The following FAM199X variants were observed in gnomAD, a reference collection of about 807,000 sequenced individuals.
FAM199X encodes protein FAM199X.
FAM199X carries 4 observed loss-of-function variants against 22.9 expected under a neutral mutation model. That is an observed-to-expected ratio of 0.17 (90% CI 0.09 to 0.40). The LOEUF is 0.40. Among genes scored for constraint, FAM199X ranks in the 10% least tolerant of loss-of-function variants. The pLI is 1.00. For missense variants in FAM199X, 183 were observed against 306.8 expected (o/e 0.60, Z 3.01); for synonymous variants, 101 against 112.3 (o/e 0.90, Z 0.64).
chrX:104,176,481 T>G (rs1556376489), intron 2 of FAM199X, among the ~76,000 whole-genome samples: 1 of 112,581 alleles, frequency 8.9e-6, no homozygotes, highest in African/African-American at 3.2e-5. Flanking sequence ...ACGTTTTCCC[T>G]GCCTACAGCA....
rs1556381319 is a variant in FAM199X, at chrX:104,195,158, A to G, written c.*5380A>G. On this transcript the variant is annotated 3_prime_UTR_variant, in exon 6 of 6. Coordinates refer to ENST00000493442, the MANE Select transcript of FAM199X (RefSeq NM_207318.4). Reference sequence around the variant, plus strand: ...GAGCTGTCTTTTGAAACTGAATACCAGAATGAAAAGTGTTGTTTTGGTTAA... The same window carrying G: ...GAGCTGTCTTTTGAAACTGAATACCGGAATGAAAAGTGTTGTTTTGGTTAA... 1 of 106,564 alleles carries G rather than the reference A, an allele frequency of 9.4e-6. No individual in the cohort carries two copies. Among genetic ancestry groups the G allele is most frequent in the East Asian group, 2.8e-4 (1 of 3,575 alleles). The allele number at this position is 106,564 out of a possible 1,213,427, so 8.8% of individuals were successfully genotyped here.
chrX:104,177,340 C>T (rs1556376679), intron 2 of FAM199X, among the ~76,000 whole-genome samples: 2 of 111,014 alleles, frequency 1.8e-5, no homozygotes, highest in Non-Finnish European at 3.8e-5. Context: ...ATGTACAGTA[C>T]CACATTTTGT....
intron 1 of FAM199X, 110 bp from the exon 2 acceptor site, chrX:104,175,513 A>G: frequency 1.6e-6 from 1 of 641,498 alleles, no homozygotes; most frequent in South Asian, 3.2e-5. Flanking sequence ...TTAAAAATAC[A>G]AAAAACCTCA....
Position 104,195,029 on chromosome X carries a change from T to C in FAM199X, c.*5251T>C, listed in dbSNP as rs1471709123. On this transcript the variant is annotated 3_prime_UTR_variant, in exon 6 of 6. Transcript: ENST00000493442. The stretch of plus-strand genomic sequence containing the variant: ...CTGTGAGGGAATAACAATAGTTGTA[T>C]CATAAGTCGTTTCTATTTTGAGTTC... 13 of 110,396 alleles carry C rather than the reference T, an allele frequency of 1.2e-4. No individual in the cohort carries two copies. The highest frequency in any genetic ancestry group is 1.9e-4 in the Non-Finnish European group (10 of 52,813). 9.1% of individuals were successfully genotyped at this position (110,396 alleles called of 1,213,427 possible).
the FAM199X span, among the ~76,000 whole-genome samples, chrX:104,157,337 T>G: frequency 9.0e-6 from 1 of 111,494 alleles, no homozygotes; most frequent in Non-Finnish European, 1.9e-5. Context: ...ACCTTTCACC[T>G]TGAACCTGTG....
intron 1 of FAM199X, among the ~76,000 whole-genome samples, chrX:104,170,113 T>G (rs191408090): frequency 8.9e-6 from 1 of 112,558 alleles, no homozygotes; most frequent in East Asian, 2.8e-4. Context: ...TCTTTGGTTT[T>G]GGGGGCAGTG....
At chrX:104,160,825 A>C in the FAM199X span, among the ~76,000 whole-genome samples, 1 of 111,462 alleles carries the variant, frequency 9.0e-6, no homozygotes, top group African/African-American at 3.3e-5. Context: ...CAAGGATGAA[A>C]ATTTCAAAAC....
Position 104,192,737 on chromosome X carries a change from G to C in FAM199X, c.*2959G>C, listed in dbSNP as rs1270853179. The stretch of plus-strand genomic sequence containing the variant: ...ATGAGACTTACCTCATTTTTGTTAG[G>C]CTATGGCAGTTTTGTCCAGTTCCTC... On this transcript the variant is annotated 3_prime_UTR_variant, in exon 6 of 6. Transcript: ENST00000493442. 1 of 110,695 alleles carries C rather than the reference G, an allele frequency of 9.0e-6. No individual in the cohort carries two copies. The highest frequency in any genetic ancestry group is 1.9e-5 in the Non-Finnish European group (1 of 52,661). 9.1% of individuals were successfully genotyped at this position (110,695 alleles called of 1,213,427 possible).
intron 2 of FAM199X, among the ~76,000 whole-genome samples, chrX:104,184,682 C>T (rs1196939255): frequency 9.0e-6 from 1 of 111,391 alleles, no homozygotes; most frequent in Non-Finnish European, 1.9e-5. Context: ...CCTTTGTCTA[C>T]ACTTTGTCTT....
At position 104,195,031 on chromosome X, in the gene FAM199X, A is replaced by G. The variant is rs1411330861; in HGVS notation, c.*5253A>G. ...GTGAGGGAATAACAATAGTTGTATC[A>G]TAAGTCGTTTCTATTTTGAGTTCCT... On this transcript the variant is annotated 3_prime_UTR_variant, in exon 6 of 6. Transcript: ENST00000493442. 2 of 110,389 alleles carry G rather than the reference A, an allele frequency of 1.8e-5. No individual in the cohort carries two copies. The highest frequency in any genetic ancestry group is 3.9e-4 in the South Asian group (1 of 2,532). 9.1% of individuals were successfully genotyped at this position (110,389 alleles called of 1,213,427 possible).
In FAM199X at chrX:104,166,920, C is replaced by T; in HGVS notation, c.135C>T (p.Asp45=). 1 of 1,198,278 alleles carries T rather than the reference C, an allele frequency of 8.3e-7. No homozygotes were observed. The highest frequency in any genetic ancestry group is 1.8e-5 in the South Asian group (1 of 55,475). ...AGCCGGGCTGCCTGGACATCAGCGA[C>T]TTCGGCTGCCAGCTGTCCTCCTGCC... ...SEEPGCLDIS[D]FGCQLSSCHR... Residue 45 remains aspartate, a synonymous_variant, in exon 1 of 6, where the codon GAC becomes GAT. Coordinates refer to ENST00000493442, the MANE Select transcript of FAM199X (RefSeq NM_207318.4).
intron 1 of FAM199X, among the ~76,000 whole-genome samples, chrX:104,173,181 G>C (rs1167210016): frequency 9.0e-6 from 1 of 111,098 alleles, no homozygotes; most frequent in African/African-American, 3.3e-5. Context: ...TTGTTACCCA[G>C]ACTGGTCTCA....
intron 1 of FAM199X, among the ~76,000 whole-genome samples, chrX:104,169,992 T>A (rs1428012043): frequency 8.9e-6 from 1 of 112,413 alleles, no homozygotes; most frequent in African/African-American, 3.2e-5. Flanking sequence ...CTACATGGAT[T>A]GGTCTAGAAT....
At chrX:104,161,229 G>A in the FAM199X span, among the ~76,000 whole-genome samples, 2 of 111,859 alleles carry the variant, frequency 1.8e-5, no homozygotes, top group Admixed American at 1.9e-4. Context: ...ATACTGATCT[G>A]AGAAATGTTG....
chrX:104,174,442 A>G (rs1921439184), intron 1 of FAM199X, among the ~76,000 whole-genome samples: 1 of 111,639 alleles, frequency 9.0e-6, no homozygotes, highest in African/African-American at 3.3e-5. Context: ...GCCTTTCAGA[A>G]AGGTGTTGAC....
At chrX:104,174,285 A>G (rs912325377) in intron 1 of FAM199X, among the ~76,000 whole-genome samples, 1 of 110,977 alleles carries the variant, frequency 9.0e-6, no homozygotes, top group African/African-American at 3.3e-5. Flanking sequence ...TCCAGCCTCA[A>G]TGAGAGAAGT....
intron 3 of FAM199X, 42 bp downstream of exon 3, chrX:104,186,257 G>C: frequency 8.5e-7 from 1 of 1,178,328 alleles, no homozygotes; most frequent in Non-Finnish European, 1.1e-6. Flanking sequence ...TTTATGTGGA[G>C]ACTAGGTAAA....
upstream of FAM199X, among the ~76,000 whole-genome samples, chrX:104,161,609 G>A (rs1000476025): frequency 6.3e-5 from 7 of 111,679 alleles, no homozygotes; most frequent in Non-Finnish European, 1.1e-4. Flanking sequence ...TTGGGAGGCC[G>A]AGGTGGGCGG....
At chrX:104,179,336 A>G (rs1057169305) in intron 2 of FAM199X, among the ~76,000 whole-genome samples, 2 of 111,812 alleles carry the variant, frequency 1.8e-5, no homozygotes, top group African/African-American at 3.2e-5. Flanking sequence ...GTAGTTTTCA[A>G]TGTCTAAGTC....
Sources: gnomAD v4.1 joint callset for allele counts (sites outside exome capture counted in the v4.1 genomes callset) on GRCh38, gnomAD v4.1.1 for gene constraint, MANE v1.5 for transcripts, NCBI Gene and HGNC (gene_info 2026-07-23, HGNC 2026-07-21) for gene names.